NRXN3: variants seen among roughly 807,000 people sequenced by gnomAD.
The protein encoded by NRXN3 is neurexin III.
A neutral mutation model predicts 137.6 loss-of-function variants in NRXN3; 32 were observed. That is an observed-to-expected ratio of 0.23 (90% confidence interval 0.18 to 0.31). NRXN3 has a LOEUF of 0.31. Ranked by LOEUF, NRXN3 falls within the 10% of genes least tolerant of loss-of-function variation. The probability of loss-of-function intolerance (pLI) is 1.00; values close to 1 mark genes in which losing one functional copy is unlikely to be tolerated. For synonymous variants in NRXN3, 798 were observed against 784.5 expected, an observed-to-expected ratio of 1.02 and a Z score of -0.29; for missense variants, 1,574 against 2,062.5, an observed-to-expected ratio of 0.76 and a Z score of 4.59.
rs1275161168 is a variant in NRXN3, at chr14:79,862,920, G to A, written c.*956G>A. 1.3e-5 allele frequency: 2 copies of A among 152,446 alleles called. No homozygotes were observed. Among genetic ancestry groups the A allele is most frequent in the African/African-American group, 4.8e-5 (2 of 41,440 alleles). The allele number at this position is 152,446 out of a possible 1,614,324, so 9.4% of individuals were successfully genotyped here. A position where few individuals can be genotyped will look rare whatever the true frequency, so the allele number is the denominator to read the frequency against. On this transcript the variant is annotated 3_prime_UTR_variant, in exon 21 of 21. Transcript: ENST00000335750. ...TCCTGTCCATTCACCCAGCCAAATT[G>A]TGTTAAAGAGGAAAGCCCCACAAAC...
intron 4 of NRXN3, among the ~76,000 whole-genome samples, chr14:78,572,561 C>T (rs980851824): frequency 6.6e-6 from 1 of 152,134 alleles, no homozygotes; most frequent in African/African-American, 2.4e-5. Flanking sequence ...TCAGGGGTGT[C>T]CAATCTTTTG....
At chr14:79,544,392 C>T (rs2097300536) in intron 16 of NRXN3, among the ~76,000 whole-genome samples, 1 of 152,126 alleles carries the variant, frequency 6.6e-6, no homozygotes, top group African/African-American at 2.4e-5. Flanking sequence ...GTGCAGTGGG[C>T]CCTGAGAAGT....
intron 15 of NRXN3, among the ~76,000 whole-genome samples, chr14:79,106,751 T>C (rs1239190547): frequency 6.6e-6 from 1 of 152,148 alleles, no homozygotes; most frequent in African/African-American, 2.4e-5. Flanking sequence ...GAACATTCTT[T>C]TAATAAGATG....
chr14:78,840,054 CAG>C (rs1460635690), intron 10 of NRXN3, among the ~76,000 whole-genome samples: 2 of 152,180 alleles, frequency 1.3e-5, no homozygotes, highest in East Asian at 1.9e-4. Context: ...AGGTTTGAAA[CAG>C]AGAGCAAAAT....
At chr14:79,036,406 T>C (rs1256918341) in intron 15 of NRXN3, among the ~76,000 whole-genome samples, 1 of 151,992 alleles carries the variant, frequency 6.6e-6, no homozygotes, top group Non-Finnish European at 1.5e-5. Context: ...GTATGTAGAC[T>C]TGCGTGAGGG....
chr14:78,462,262 G>A (rs1445093563), intron 4 of NRXN3, among the ~76,000 whole-genome samples: 3 of 152,190 alleles, frequency 2.0e-5, no homozygotes, highest in African/African-American at 7.2e-5. Context: ...AGTCTTCAAA[G>A]TAGCTGCTTT....
chr14:79,555,653 T>A (rs760258483), intron 16 of NRXN3, among the ~76,000 whole-genome samples: 23 of 152,252 alleles, frequency 1.5e-4, no homozygotes, highest in Non-Finnish European at 2.1e-4. Context: ...TGGTGAAGGA[T>A]GTGTAGGAGT....
chr14:79,436,196 T>G (rs1181002914), intron 15 of NRXN3, among the ~76,000 whole-genome samples: 2 of 152,192 alleles, frequency 1.3e-5, no homozygotes, highest in Non-Finnish European at 2.9e-5. Flanking sequence ...ATAAAGACCA[T>G]TTCTGTGACT....
intron 4 of NRXN3, among the ~76,000 whole-genome samples, chr14:78,435,239 T>G (rs2094021924): frequency 6.6e-6 from 1 of 152,202 alleles, no homozygotes; most frequent in South Asian, 2.1e-4. Context: ...TATGTGATTG[T>G]TCTTGGAAGG....
At chr14:78,391,129 T>G (rs2090706281) in intron 4 of NRXN3, among the ~76,000 whole-genome samples, 1 of 152,216 alleles carries the variant, frequency 6.6e-6, no homozygotes, top group African/African-American at 2.4e-5. Flanking sequence ...TTTTTATGGC[T>G]GCATAGTATT....
At chr14:79,127,493 C>T (rs376703768) in intron 15 of NRXN3, among the ~76,000 whole-genome samples, 40 of 152,110 alleles carry the variant, frequency 2.6e-4, no homozygotes, top group Middle Eastern at 6.8e-3. Context: ...TGTAGATATG[C>T]GGCGTTATTT....
intron 10 of NRXN3, among the ~76,000 whole-genome samples, chr14:78,859,372 A>G (rs1056300136): frequency 6.6e-6 from 1 of 152,186 alleles, no homozygotes; most frequent in Admixed American, 6.5e-5. Context: ...AAAGAGTAAT[A>G]AAACCAACCA....
intron 2 of NRXN3, among the ~76,000 whole-genome samples, chr14:78,273,639 C>G (rs910433039): frequency 6.6e-6 from 1 of 152,122 alleles, no homozygotes; most frequent in African/African-American, 2.4e-5. Flanking sequence ...GCCTAGAGCC[C>G]CAGGACTGGC....
At chr14:79,048,502 A>G (rs1050897660) in intron 15 of NRXN3, among the ~76,000 whole-genome samples, 4 of 152,208 alleles carry the variant, frequency 2.6e-5, no homozygotes, top group Non-Finnish European at 5.9e-5. Flanking sequence ...TTATGTTGAC[A>G]CTATTCTGTA....
chr14:78,308,471 T>C (rs1367370988), intron 4 of NRXN3, among the ~76,000 whole-genome samples: 1 of 152,136 alleles, frequency 6.6e-6, no homozygotes, highest in African/African-American at 2.4e-5. Flanking sequence ...TGCTTTTCTC[T>C]GTACTTTGAC....
At chr14:78,853,148 A>G (rs539799929) in intron 10 of NRXN3, among the ~76,000 whole-genome samples, 1 of 152,118 alleles carries the variant, frequency 6.6e-6, no homozygotes, top group Admixed American at 6.5e-5. Context: ...TACATGTGCC[A>G]TGTTGGTGTG....
At chr14:79,016,648 A>G (rs2099579750) in intron 15 of NRXN3, among the ~76,000 whole-genome samples, 1 of 152,210 alleles carries the variant, frequency 6.6e-6, no homozygotes, top group African/African-American at 2.4e-5. Context: ...TGCTACAGGT[A>G]CATAGAGCAG....
intron 10 of NRXN3, among the ~76,000 whole-genome samples, chr14:78,908,123 G>A (rs1467668387): frequency 6.1e-4 from 92 of 151,904 alleles, no homozygotes; most frequent in Non-Finnish European, 5.9e-5. Context: ...TCTGTCTTTT[G>A]ATAAGAAATA....
At chr14:79,474,343 T>TAG (rs1240067345) in intron 16 of NRXN3, among the ~76,000 whole-genome samples, 3 of 152,204 alleles carry the variant, frequency 2.0e-5, no homozygotes, top group African/African-American at 7.2e-5. Flanking sequence ...ATGGGTGCTG[T>TAG]AGAGGTGATG....
Sources: allele counts gnomAD v4.1 joint callset (sites outside exome capture counted in the v4.1 genomes callset), GRCh38; gene constraint gnomAD v4.1.1; transcripts MANE v1.5; gene names NCBI Gene and HGNC (gene_info 2026-07-23, HGNC 2026-07-21).